The following SYNE1 variants were observed in gnomAD, a reference collection of about 807,000 sequenced individuals.
The protein encoded by SYNE1 is spectrin repeat containing nuclear envelope protein 1.
In SYNE1, 616 loss-of-function variants were observed where a neutral mutation model predicts 1,111.0. The observed-to-expected ratio is 0.55, with a 90% CI of 0.52 to 0.59. The LOEUF (loss-of-function observed/expected upper bound fraction) is 0.59, where lower values mean the gene tolerates loss of function less well. Among genes scored for constraint, SYNE1 ranks in the 20% least tolerant of loss-of-function variants. The pLI is 0.00. For synonymous variants in SYNE1, 3,855 were observed against 3,825.8 expected, an observed-to-expected ratio of 1.01 and a Z score of -0.28; for missense variants, 10,006 against 10,417.0, an observed-to-expected ratio of 0.96 and a Z score of 1.72.
intron 29 of SYNE1, among the ~76,000 whole-genome samples, chr6:152,445,521 CCA>C (rs1399758948): frequency 1.3e-5 from 2 of 152,050 alleles, no homozygotes; most frequent in African/African-American, 2.4e-5. Flanking sequence ...CAGAAGCCTT[CCA>C]GTTTCTTCTT....
In SYNE1 at chr6:152,554,828, A is replaced by C. The variant is rs577020452; in HGVS notation, c.68-14807T>G. On this transcript the variant is annotated intron_variant, in intron 3 of 145. Transcript: ENST00000367255. ...ACACAAATAAAAAACATGGATTGCC[A>C]AGTAGTGGCATGTAGGCAGAATCTG... Among the ~76,000 whole-genome samples the C allele has an allele frequency of 4.0e-4, 61 of 152,308 alleles. 1 individual carries two copies. Among genetic ancestry groups the C allele is most frequent in the African/African-American group, 1.4e-3 (58 of 41,560 alleles).
intron 127 of SYNE1, among the ~76,000 whole-genome samples, chr6:152,199,730 C>T (rs762034209): frequency 2.6e-5 from 4 of 152,158 alleles, no homozygotes; most frequent in Admixed American, 1.3e-4. Context: ...TGGCAATTAG[C>T]GGTGCTGTCT....
chr6:152,355,705 G>A (rs186319711), intron 66 of SYNE1, among the ~76,000 whole-genome samples: 2 of 152,118 alleles, frequency 1.3e-5, no homozygotes, highest in Admixed American at 6.5e-5. Context: ...TATATTTCTG[G>A]TGATAAACAT....
At chr6:152,569,589 G>A (rs2099435088) in intron 3 of SYNE1, among the ~76,000 whole-genome samples, 1 of 152,104 alleles carries the variant, frequency 6.6e-6, no homozygotes, top group Non-Finnish European at 1.5e-5. Flanking sequence ...AACTAGATTT[G>A]CATATCTGTA....
chr6:152,610,012 G>T (rs1372659790), intron 3 of SYNE1, among the ~76,000 whole-genome samples: 1 of 152,120 alleles, frequency 6.6e-6, no homozygotes, highest in Non-Finnish European at 1.5e-5. Flanking sequence ...CAAAGACAAA[G>T]GTAGATAAAA....
intron 64 of SYNE1, among the ~76,000 whole-genome samples, chr6:152,360,523 T>A (rs1178761472): frequency 6.6e-6 from 1 of 152,164 alleles, no homozygotes; most frequent in African/African-American, 2.4e-5. Context: ...TTCAAAATGA[T>A]TCTCTCTCAC....
chr6:152,319,722 C>T (rs943654036), intron 84 of SYNE1, among the ~76,000 whole-genome samples: 8 of 151,504 alleles, frequency 5.3e-5, no homozygotes, highest in Non-Finnish European at 8.8e-5. Flanking sequence ...GAAAACACAC[C>T]ATTAAAAGAG....
intron 3 of SYNE1, among the ~76,000 whole-genome samples, chr6:152,559,608 A>G (rs2128215070): frequency 6.6e-6 from 1 of 152,352 alleles, no homozygotes; most frequent in African/African-American, 2.4e-5. Flanking sequence ...TACTACCTAC[A>G]AAAACTTAGG....
chr6:152,396,024 T>C (rs74629262), intron 50 of SYNE1, among the ~76,000 whole-genome samples: 2,411 of 152,276 alleles, frequency 0.016, 35 homozygotes, highest in Non-Finnish European at 0.024. Context: ...TGGATATGAA[T>C]TGATTTCATA....
intron 80 of SYNE1, 45 bp downstream of exon 80, chr6:152,325,913 T>A (rs767107744): frequency 6.8e-6 from 11 of 1,610,482 alleles, no homozygotes; most frequent in Non-Finnish European, 9.3e-6. Context: ...AGACTCATTA[T>A]AATTATAGAA....
At chr6:152,606,296 C>T (rs1583310351) in intron 3 of SYNE1, among the ~76,000 whole-genome samples, 1 of 152,198 alleles carries the variant, frequency 6.6e-6, no homozygotes, top group East Asian at 1.9e-4. Context: ...TGGGGGCTAC[C>T]CGGCATTAGC....
chr6:152,213,820 A>G (rs748031360), intron 122 of SYNE1, 61 bp from the exon 123 acceptor site: 38 of 1,600,402 alleles, frequency 2.4e-5, no homozygotes, highest in Non-Finnish European at 3.3e-5. Context: ...CTTCTCTAGC[A>G]TATAAAACTA....
intron 81 of SYNE1, among the ~76,000 whole-genome samples, chr6:152,324,515 C>A (rs767444191): frequency 6.6e-6 from 1 of 151,664 alleles, no homozygotes; most frequent in Non-Finnish European, 1.5e-5. Context: ...GCAAATGGGC[C>A]GGGCGCGGTG....
At chr6:152,316,526 A>G (rs2095726982) in intron 87 of SYNE1, 3 of 360,440 alleles carry the variant, frequency 8.3e-6, no homozygotes, top group South Asian at 5.1e-5. Context: ...ATCTCTTCAC[A>G]GGAAAGAATT....
At chr6:152,248,543 T>G (rs1484664421) in intron 105 of SYNE1, among the ~76,000 whole-genome samples, 1 of 152,076 alleles carries the variant, frequency 6.6e-6, no homozygotes, top group Non-Finnish European at 1.5e-5. Flanking sequence ...AAGTCACACA[T>G]TCAACAGGCC....
In SYNE1 at chr6:152,256,772, G is replaced by A; in HGVS notation, c.18973-7C>T. 6.2e-7 allele frequency: 1 copy of A among 1,613,124 alleles called. No individual in the cohort carries two copies. ...GATTTGGCCTGCTATAAAGCTGTAG[G>A]CAAACAAAGGCAGCTTGTTGAAGAG... On this transcript the variant is annotated splice_region_variant and splice_polypyrimidine_tract_variant and intron_variant, in intron 101 of 145. Transcript: ENST00000367255.
intron 131 of SYNE1, among the ~76,000 whole-genome samples, chr6:152,161,357 A>G (rs900499595): frequency 6.7e-6 from 1 of 150,014 alleles, no homozygotes; most frequent in Non-Finnish European, 1.5e-5. Flanking sequence ...TTACAAAATA[A>G]CTGAATTGGA....
At chr6:152,171,023 T>C (rs544065503) in intron 130 of SYNE1, among the ~76,000 whole-genome samples, 41 of 152,308 alleles carry the variant, frequency 2.7e-4, no homozygotes, top group South Asian at 6.2e-4. Flanking sequence ...CCATGTAAGA[T>C]GTGCCTTTCG....
At chr6:152,429,637 C>T (rs779454038) in intron 36 of SYNE1, among the ~76,000 whole-genome samples, 121 of 152,254 alleles carry the variant, frequency 7.9e-4, no homozygotes, top group Non-Finnish European at 1.3e-3. Flanking sequence ...CCCCTAAATT[C>T]TGCCAGAGCC....
Sources: allele counts gnomAD v4.1 joint callset (sites outside exome capture counted in the v4.1 genomes callset), GRCh38; gene constraint gnomAD v4.1.1; transcripts MANE v1.5; gene names NCBI Gene and HGNC (gene_info 2026-07-23, HGNC 2026-07-21).